The following SLTM variants were observed in gnomAD, a reference collection of about 807,000 sequenced individuals.
SLTM encodes the protein SAFB like transcription modulator.
Under a neutral mutation model 134.6 loss-of-function variants are expected in SLTM, and 43 were observed. That is an observed-to-expected ratio of 0.32 (90% CI 0.25 to 0.41). The LOEUF (loss-of-function observed/expected upper bound fraction) is 0.41, where lower values mean the gene tolerates loss of function less well. Ranked by LOEUF, SLTM falls within the 10% of genes least tolerant of loss-of-function variation. SLTM has a pLI of 1.00. For missense variants in SLTM, 1,055 were observed against 1,288.8 expected (o/e 0.82, Z 2.78); for synonymous variants, 424 against 432.3 (o/e 0.98, Z 0.24).
chr15:58,883,845 C>G (rs2033948564), intron 19 of SLTM, 59 bp from the exon 20 acceptor site: 3 of 1,583,616 alleles, frequency 1.9e-6, no homozygotes, highest in Non-Finnish European at 2.6e-6. Flanking sequence ...TACCTATAAT[C>G]TCAGCACTTT....
chr15:58,924,038 C>G (rs1293656558), intron 2 of SLTM, among the ~76,000 whole-genome samples: 7 of 152,080 alleles, frequency 4.6e-5, no homozygotes. Context: ...TGGTCTCGAA[C>G]TCCTGGCCTC....
chr15:58,908,577 C>T (rs2036041321), intron 5 of SLTM, among the ~76,000 whole-genome samples: 1 of 152,024 alleles, frequency 6.6e-6, no homozygotes, highest in South Asian at 2.1e-4. Flanking sequence ...CTATGTTGCC[C>T]AGGCTGGTCT....
At chr15:58,881,330 G>C (rs575434334) in intron 20 of SLTM, among the ~76,000 whole-genome samples, 1 of 152,210 alleles carries the variant, frequency 6.6e-6, no homozygotes, top group South Asian at 2.1e-4. Context: ...TTTGAGACCA[G>C]CCTGGCCAAC....
intron 2 of SLTM, among the ~76,000 whole-genome samples, chr15:58,927,373 G>T (rs898924352): frequency 6.6e-6 from 1 of 152,234 alleles, no homozygotes; most frequent in East Asian, 1.9e-4. Flanking sequence ...AGGTTCAAGA[G>T]ATTCTCCTGC....
intron 2 of SLTM, among the ~76,000 whole-genome samples, chr15:58,921,189 T>C (rs548072904): frequency 6.6e-6 from 1 of 152,340 alleles, no homozygotes; most frequent in South Asian, 2.1e-4. Flanking sequence ...TATGTACTTG[T>C]ATTTTAAAAT....
chr15:58,886,920 T>C (rs759868937), intron 19 of SLTM, 55 bp downstream of exon 19: 6 of 1,607,034 alleles, frequency 3.7e-6, no homozygotes, highest in South Asian at 2.2e-5. Flanking sequence ...GAGTAGCTCA[T>C]GAATCCTCTA....
intron 2 of SLTM, among the ~76,000 whole-genome samples, chr15:58,931,205 T>C (rs1770733010): frequency 6.6e-6 from 1 of 152,214 alleles, no homozygotes; most frequent in African/African-American, 2.4e-5. Flanking sequence ...AGAGTTATCT[T>C]AAAAGCTACC....
chr15:58,887,816 G>A lies in SLTM; in HGVS notation c.2376-276C>T, dbSNP rs1486798185. ...GAAGAATGTTTTACTGTTCTTAACA[G>A]TTGAGGCATATCCAAAGCAATCAGT... On this transcript the variant is annotated intron_variant, in intron 17 of 20. Transcript: ENST00000380516. Among the ~76,000 whole-genome samples the A allele has an allele frequency of 3.9e-5, 6 of 152,270 alleles. No homozygotes were observed. The South Asian group carries it at 8.3e-4, about 21-fold the overall frequency.
intron 8 of SLTM, chr15:58,898,169 C>T (rs999700874): frequency 4.3e-4 from 65 of 152,182 alleles, no homozygotes; most frequent in African/African-American, 1.5e-3. Flanking sequence ...TTCTCCTTTA[C>T]ACATTTAGGA....
chr15:58,914,321 A>AAAGGGGTG (rs2036482879), intron 3 of SLTM, among the ~76,000 whole-genome samples: 1 of 152,220 alleles, frequency 6.6e-6, no homozygotes, highest in African/African-American at 2.4e-5. Context: ...AATGAAGAGA[A>AAAGGGGTG]AAGGGGTGAA....
Position 58,933,623 on chromosome 15 carries a change from C to A in SLTM, c.-58G>T. 6.8e-7 allele frequency: 1 copy of A among 1,462,798 alleles called. No homozygotes were observed. Among genetic ancestry groups the A allele is most frequent in the South Asian group, 1.3e-5 (1 of 75,804 alleles). The allele number at this position is 1,462,798 out of a possible 1,614,324, so 90.6% of individuals were successfully genotyped here. ...GTGGGCTGCAGGGCGGCGGCAGCAG[C>A]GCCAACTTCCACCCAGGCCTCGGCG... On this transcript the variant is annotated 5_prime_UTR_variant, in exon 1 of 21. Transcript: ENST00000380516.
chr15:58,927,343 C>T (rs1231148798), intron 2 of SLTM, among the ~76,000 whole-genome samples: 5 of 152,088 alleles, frequency 3.3e-5, no homozygotes, highest in African/African-American at 4.8e-5. Context: ...AATCTCAGCT[C>T]ACTGCAACCT....
At chr15:58,889,605 G>A in intron 15 of SLTM, 51 bp from the exon 16 acceptor site, 3 of 1,607,680 alleles carry the variant, frequency 1.9e-6, no homozygotes, top group Non-Finnish European at 2.5e-6. Context: ...GAAAACATAA[G>A]ATAAGTATAC....
intron 4 of SLTM, 133 bp from the exon 5 acceptor site, chr15:58,912,743 A>G (rs2036371115): frequency 4.5e-6 from 3 of 671,984 alleles, no homozygotes; most frequent in Non-Finnish European, 7.7e-6. Flanking sequence ...GTACTAAATC[A>G]ATGCTTAATA....
chr15:58,928,956 A>T (rs1233295328), intron 2 of SLTM, among the ~76,000 whole-genome samples: 1 of 152,222 alleles, frequency 6.6e-6, no homozygotes, highest in Non-Finnish European at 1.5e-5. Context: ...AACAGAAAGC[A>T]TTTTCTTCTC....
rs2033573179 is a variant in SLTM, at chr15:58,880,083, A to G, written c.3021T>C (p.Ile1007=). The change falls in exon 21 of 21, where the codon ATT becomes ATC. Residue 1007 remains isoleucine, a synonymous_variant. Transcript: ENST00000380516. ...HSSNASPINR[I]VQISGNSMPR... ...GCATGGAATTGCCACTGATTTGTAC[A>G]ATTCTATTAATTGGGGATGCGTTAC... 1 of 1,613,810 alleles carries G rather than the reference A, an allele frequency of 6.2e-7. No individual in the cohort carries two copies. Among genetic ancestry groups the G allele is most frequent in the Non-Finnish European group, 8.5e-7 (1 of 1,179,830 alleles).
In SLTM at chr15:58,883,634, T is replaced by C. The variant is rs753724629; in HGVS notation, c.2988A>G (p.Gln996=). 1.2e-6 allele frequency: 2 copies of C among 1,614,090 alleles called. No individual in the cohort carries two copies. The highest frequency in any genetic ancestry group is 1.1e-5 in the South Asian group (1 of 91,082). ...DGRAGAGMIT[Q]HSSNASPINR... ...ACTGGTTAGTTATTTACCTTGAATG[T>C]TGGGTTATCATGCCTGCTCCTGCCC... Residue 996 remains glutamine (Q), a synonymous_variant, in exon 20 of 21, where the codon CAA becomes CAG. Transcript: ENST00000380516.
Position 58,899,837 on chromosome 15 carries a change from T to C in SLTM, c.690A>G (p.Glu230=). ...CAGCTTCTTTCACAGTCGTATGAGC[T>C]TCCATCTCTTCATGAGCTGTGTGAT... is the stretch of plus-strand genomic sequence containing the variant. ...EADHTAHEEM[E]AHTTVKEAED... is the part of the protein sequence containing the mutation. Residue 230 remains glutamate (E), a synonymous_variant, in exon 7 of 21, where the codon GAA becomes GAG. Coordinates refer to ENST00000380516, the MANE Select transcript of SLTM (RefSeq NM_024755.4). This position sits in a 1 kb window ranked among gnomAD's most constrained non-coding sequence, Gnocchi z 5.0. 1 of 1,614,152 alleles carries C rather than the reference T, an allele frequency of 6.2e-7. No homozygotes were observed.
intron 5 of SLTM, among the ~76,000 whole-genome samples, chr15:58,903,567 T>C (rs1385559998): frequency 2.0e-5 from 3 of 149,464 alleles, no homozygotes; most frequent in Non-Finnish European, 4.5e-5. Flanking sequence ...GGGATAGCAT[T>C]AGGAGATATA....
Sources: gnomAD v4.1 joint callset for allele counts (sites outside exome capture counted in the v4.1 genomes callset) on GRCh38, gnomAD v4.1.1 for gene constraint, Gnocchi (gnomAD v3.1) non-coding constraint, MANE v1.5 for transcripts, NCBI Gene and HGNC (gene_info 2026-07-23, HGNC 2026-07-21) for gene names.